The following TRPM3 variants were observed in gnomAD, a reference collection of about 807,000 sequenced individuals.
The protein encoded by TRPM3 is transient receptor potential cation channel subfamily M member 3.
In TRPM3, 77 loss-of-function variants were observed where a neutral mutation model predicts 181.2. The observed-to-expected ratio is 0.42, with a 90% confidence interval of 0.35 to 0.51. The LOEUF (loss-of-function observed/expected upper bound fraction) is 0.51, where lower values mean the gene tolerates loss of function less well. Ranked by LOEUF, TRPM3 falls within the 20% of genes least tolerant of loss-of-function variation. TRPM3 has a pLI of 0.01. For missense variants in TRPM3, 1,759 were observed against 2,196.7 expected, an observed-to-expected ratio of 0.80 and a Z score of 3.98; for synonymous variants, 745 against 796.4, an observed-to-expected ratio of 0.94 and a Z score of 1.09.
chr9:71,217,612 T>C (rs1482531223), intron 1 of TRPM3, among the ~76,000 whole-genome samples: 1 of 152,170 alleles, frequency 6.6e-6, no homozygotes, highest in Non-Finnish European at 1.5e-5. Flanking sequence ...CCAGGAGAAA[T>C]GGAAAAACTT....
intron 1 of TRPM3, among the ~76,000 whole-genome samples, chr9:71,154,893 T>G (rs1008011409): frequency 1.3e-5 from 2 of 152,134 alleles, no homozygotes; most frequent in African/African-American, 4.8e-5. Flanking sequence ...TGGTATAAAC[T>G]ACAGAAATAC....
intron 1 of TRPM3, among the ~76,000 whole-genome samples, chr9:71,148,883 G>GA (rs1351443766): frequency 1.3e-5 from 2 of 152,186 alleles, no homozygotes; most frequent in African/African-American, 2.4e-5. Flanking sequence ...CTATAAAAAG[G>GA]AAAAATAATA....
chr9:70,922,957 A>T (rs1024932634), intron 1 of TRPM3, among the ~76,000 whole-genome samples: 2 of 152,176 alleles, frequency 1.3e-5, no homozygotes, highest in African/African-American at 2.4e-5. Context: ...ATCTGCTATG[A>T]GATCATCTGA....
intron 1 of TRPM3, among the ~76,000 whole-genome samples, chr9:71,251,808 AT>A (rs1244206189): frequency 6.6e-6 from 1 of 152,030 alleles, no homozygotes; most frequent in Non-Finnish European, 1.5e-5. Context: ...ATTCATTTCT[AT>A]TTTGTTTTTT....
At chr9:71,133,006 C>T (rs2074467322) in intron 1 of TRPM3, among the ~76,000 whole-genome samples, 2 of 151,972 alleles carry the variant, frequency 1.3e-5, no homozygotes. Flanking sequence ...CCTTAAGATA[C>T]AATTTAGGAT....
chr9:70,937,049 G>C (rs986496804), intron 1 of TRPM3, among the ~76,000 whole-genome samples: 1 of 152,192 alleles, frequency 6.6e-6, no homozygotes, highest in Non-Finnish European at 1.5e-5. Context: ...ATGAAGAAAA[G>C]TGCCATGAGC....
chr9:71,017,995 C>T (rs146093180), intron 1 of TRPM3, among the ~76,000 whole-genome samples: 1 of 151,802 alleles, frequency 6.6e-6, no homozygotes, highest in South Asian at 2.1e-4. Context: ...CACAGAGTAA[C>T]TAGCAAGGAC....
chr9:71,055,351 A>G (rs2060540194), intron 1 of TRPM3, among the ~76,000 whole-genome samples: 1 of 152,070 alleles, frequency 6.6e-6, no homozygotes, highest in Admixed American at 6.6e-5. Context: ...AGATAATTAG[A>G]CATCACTGGA....
intron 1 of TRPM3, among the ~76,000 whole-genome samples, chr9:71,350,757 T>C (rs1420523087): frequency 6.6e-6 from 1 of 152,216 alleles, no homozygotes; most frequent in African/African-American, 2.4e-5. Context: ...GTCATCTAAC[T>C]TCAAGTCATT....
chr9:71,423,064 G>C (rs2093805759), intron 1 of TRPM3, among the ~76,000 whole-genome samples: 1 of 151,980 alleles, frequency 6.6e-6, no homozygotes, highest in Admixed American at 6.6e-5. Context: ...TAAGAGTTTT[G>C]CTTCATTTCC....
At chr9:70,989,363 C>G (rs141147100) in intron 1 of TRPM3, among the ~76,000 whole-genome samples, 3 of 152,268 alleles carry the variant, frequency 2.0e-5, no homozygotes, top group East Asian at 3.9e-4. Context: ...ATGCCTCTTT[C>G]ACTCCATCTC....
At chr9:71,090,704 T>C (rs1013104786) in intron 1 of TRPM3, among the ~76,000 whole-genome samples, 4 of 152,180 alleles carry the variant, frequency 2.6e-5, no homozygotes, top group African/African-American at 9.6e-5. Flanking sequence ...CAAAGCTGGC[T>C]CTAGCAGTCA....
intron 1 of TRPM3, among the ~76,000 whole-genome samples, chr9:71,079,190 A>G (rs1231735820): frequency 1.3e-5 from 2 of 152,206 alleles, no homozygotes; most frequent in Admixed American, 6.5e-5. Flanking sequence ...TATATCTATC[A>G]GAGTTGGTGG....
chr9:71,043,039 A>C (rs1257827834), intron 1 of TRPM3, among the ~76,000 whole-genome samples: 7 of 152,206 alleles, frequency 4.6e-5, no homozygotes, highest in Non-Finnish European at 1.0e-4. Flanking sequence ...AAGCAGTCAC[A>C]CTATTTCTGC....
chr9:70,917,974 A>T (rs2096618397), intron 1 of TRPM3, among the ~76,000 whole-genome samples: 1 of 152,174 alleles, frequency 6.6e-6, no homozygotes. Context: ...GCCAAAGGAA[A>T]AAAAAAAGAG....
At chr9:71,412,422 C>T (rs959195221) in intron 1 of TRPM3, among the ~76,000 whole-genome samples, 1 of 152,176 alleles carries the variant, frequency 6.6e-6, no homozygotes, top group Non-Finnish European at 1.5e-5. Context: ...CAAACAACCT[C>T]ATCAAGAAGT....
At chr9:71,353,546 G>A (rs2091760104) in intron 1 of TRPM3, among the ~76,000 whole-genome samples, 1 of 152,076 alleles carries the variant, frequency 6.6e-6, no homozygotes, top group Admixed American at 6.6e-5. Flanking sequence ...TGTTGCCTAG[G>A]GCGAATGACT....
chr9:70,606,628 A>AT (rs2061176621), intron 19 of TRPM3, among the ~76,000 whole-genome samples: 1 of 71,856 alleles, frequency 1.4e-5, no homozygotes, highest in Non-Finnish European at 2.9e-5. Flanking sequence ...ACATGCTTTA[A>AT]TTGTGTGTGT....
At chr9:71,326,883 C>A (rs1183054392) in intron 1 of TRPM3, among the ~76,000 whole-genome samples, 1 of 152,198 alleles carries the variant, frequency 6.6e-6, no homozygotes, top group Non-Finnish European at 1.5e-5. Flanking sequence ...AGGCTCCAAT[C>A]TGAGAGTGCA....
Sources: gnomAD v4.1 joint callset for allele counts (sites outside exome capture counted in the v4.1 genomes callset) on GRCh38, gnomAD v4.1.1 for gene constraint, MANE v1.5 for transcripts, NCBI Gene and HGNC (gene_info 2026-07-23, HGNC 2026-07-21) for gene names.